The following QNG1 variants were observed in gnomAD, a reference collection of about 807,000 sequenced individuals.
QNG1 encodes the protein queuosine 5'-phosphate N-glycosylase/hydrolase.
the QNG1 span, chr9:83,956,260 C>G: frequency 3.1e-6 from 5 of 1,614,040 alleles, no homozygotes; most frequent in Non-Finnish European, 3.4e-6. Flanking sequence ...TCGTCCTGCT[C>G]CGACCAAAAG....
chr9:83,949,812 A>G, the QNG1 span, among the ~76,000 whole-genome samples: 1 of 152,080 alleles, frequency 6.6e-6, no homozygotes, highest in Non-Finnish European at 1.5e-5. Context: ...GGAAAAAACT[A>G]GAAATCAAAC....
chr9:83,955,940 T>C, the QNG1 span, among the ~76,000 whole-genome samples: 1 of 152,240 alleles, frequency 6.6e-6, no homozygotes, highest in African/African-American at 2.4e-5. Flanking sequence ...CTGACTTTTA[T>C]GCTACTGTAA....
At chr9:83,941,165 T>C in the QNG1 span, among the ~76,000 whole-genome samples, 1 of 152,178 alleles carries the variant, frequency 6.6e-6, no homozygotes, top group East Asian at 1.9e-4. Flanking sequence ...AGCACTCAGG[T>C]TCCTGACCCA....
chr9:83,950,596 C>CTTT, the QNG1 span, among the ~76,000 whole-genome samples: 7 of 118,326 alleles, frequency 5.9e-5, no homozygotes, highest in Admixed American at 1.7e-4. Context: ...CTTTTCTTTT[C>CTTT]TTTTTTTTTT....
the QNG1 span, chr9:83,953,753 G>A: frequency 5.3e-6 from 8 of 1,522,504 alleles, no homozygotes; most frequent in East Asian, 1.7e-4. Flanking sequence ...CCCCTCCCAG[G>A]TTCAAAAGAT....
chr9:83,939,972 A>G, the QNG1 span, among the ~76,000 whole-genome samples: 1 of 152,216 alleles, frequency 6.6e-6, no homozygotes, highest in Non-Finnish European at 1.5e-5. Context: ...CAATATTCCC[A>G]GGAGCTAGCA....
At chr9:83,955,694 A>T in the QNG1 span, 1 of 1,531,308 alleles carries the variant, frequency 6.5e-7, no homozygotes, top group Non-Finnish European at 9.0e-7. Context: ...CATATGCATT[A>T]AACCCTTGCT....
At chr9:83,948,303 G>GC in the QNG1 span, among the ~76,000 whole-genome samples, 1 of 149,082 alleles carries the variant, frequency 6.7e-6, no homozygotes, top group Non-Finnish European at 1.5e-5. Context: ...GAAGTGAGGA[G>GC]CCCCTCCGCC....
chr9:83,949,163 G>T, the QNG1 span, among the ~76,000 whole-genome samples: 1 of 151,394 alleles, frequency 6.6e-6, no homozygotes, highest in African/African-American at 2.4e-5. Context: ...CTGAGAAAAT[G>T]GTGTAATGTC....
the QNG1 span, chr9:83,956,668 C>T: frequency 1.8e-6 from 1 of 550,408 alleles, no homozygotes; most frequent in Non-Finnish European, 3.0e-6. Flanking sequence ...AAGGTTCTCT[C>T]CCGCGGCGTT....
the QNG1 span, chr9:83,955,599 G>C: frequency 4.3e-6 from 7 of 1,613,998 alleles, no homozygotes; most frequent in Admixed American, 1.2e-4. Context: ...ACCTGATCCA[G>C]GGTCACTGTC....
chr9:83,939,398 G>A, the QNG1 span: 1 of 716,532 alleles, frequency 1.4e-6, no homozygotes. Context: ...AGTGAGAATG[G>A]GCAATCAATT....
the QNG1 span, among the ~76,000 whole-genome samples, chr9:83,950,547 T>G: frequency 1.3e-5 from 2 of 152,078 alleles, no homozygotes; most frequent in Non-Finnish European, 2.9e-5. Flanking sequence ...ATAAAATAAT[T>G]GTCAATAAAA....
At chr9:83,953,870 T>C in the QNG1 span, 2 of 1,359,918 alleles carry the variant, frequency 1.5e-6, no homozygotes, top group Non-Finnish European at 2.1e-6. Context: ...AAACACAAAA[T>C]ATATATACAG....
chr9:83,956,053 C>T, the QNG1 span: 2 of 1,056,460 alleles, frequency 1.9e-6, no homozygotes, highest in East Asian at 2.4e-5. Flanking sequence ...ACTTCAGGTT[C>T]GCTTTCCATT....
At chr9:83,948,567 C>A in the QNG1 span, among the ~76,000 whole-genome samples, 1 of 151,798 alleles carries the variant, frequency 6.6e-6, no homozygotes, top group Non-Finnish European at 1.5e-5. Context: ...AGCCCTTCTG[C>A]CCGGCCGCCA....
At chr9:83,951,200 G>A in the QNG1 span, among the ~76,000 whole-genome samples, 1 of 152,298 alleles carries the variant, frequency 6.6e-6, no homozygotes, top group East Asian at 1.9e-4. Context: ...AACTTGGGAG[G>A]CGGAGGTTGC....
the QNG1 span, chr9:83,956,680 C>A: frequency 4.0e-6 from 2 of 505,246 alleles, no homozygotes; most frequent in Non-Finnish European, 6.7e-6. Flanking sequence ...CGCGGCGTTG[C>A]CCTGATTAGG....
At chr9:83,939,989 C>G in the QNG1 span, among the ~76,000 whole-genome samples, 1 of 152,162 alleles carries the variant, frequency 6.6e-6, no homozygotes, top group East Asian at 1.9e-4. Context: ...AGCATAGCAC[C>G]TTGCACATAC....
Sources: gnomAD v4.1 joint callset for allele counts (sites outside exome capture counted in the v4.1 genomes callset) on GRCh38, gnomAD v4.1.1 for gene constraint, MANE v1.5 for transcripts, NCBI Gene and HGNC (gene_info 2026-07-23, HGNC 2026-07-21) for gene names.